The following PLCH1 variants were observed in gnomAD, a reference collection of about 807,000 sequenced individuals.
PLCH1 encodes 1-phosphatidylinositol 4,5-bisphosphate phosphodiesterase eta-1.
PLCH1 carries 60 observed loss-of-function variants against 126.7 expected under a neutral mutation model. That is an observed-to-expected ratio of 0.47 (90% CI 0.38 to 0.59). The LOEUF (loss-of-function observed/expected upper bound fraction) is 0.59. Ranked by LOEUF, PLCH1 falls within the 20% of genes least tolerant of loss-of-function variation. The pLI is 0.00. For missense variants in PLCH1, 1,723 were observed against 2,040.0 expected (o/e 0.84, Z 2.99); for synonymous variants, 719 against 734.9 (o/e 0.98, Z 0.35).
chr3:155,685,446 G>A (rs1744863969), intron 2 of PLCH1, among the ~76,000 whole-genome samples: 1 of 152,178 alleles, frequency 6.6e-6, no homozygotes, highest in African/African-American at 2.4e-5. Flanking sequence ...GTGGTACCAA[G>A]GGAAGGCAGA....
chr3:155,513,737 C>T (rs1719926545), intron 12 of PLCH1, among the ~76,000 whole-genome samples: 4 of 152,158 alleles, frequency 2.6e-5, no homozygotes, highest in African/African-American at 7.2e-5. Context: ...TTCCATCTGC[C>T]CCTCTAACAT....
chr3:155,722,173 T>C (rs1747998276), intron 1 of PLCH1, among the ~76,000 whole-genome samples: 1 of 152,150 alleles, frequency 6.6e-6, no homozygotes, highest in Non-Finnish European at 1.5e-5. Context: ...TCTTTTTTTT[T>C]TCTTTTTGAG....
At chr3:155,579,911 T>A (rs935672350) in intron 6 of PLCH1, among the ~76,000 whole-genome samples, 8 of 151,230 alleles carry the variant, frequency 5.3e-5, no homozygotes, top group Non-Finnish European at 1.0e-4. Context: ...TCTCTCTCTC[T>A]CACACACACA....
At chr3:155,653,405 G>T (rs1740994481) in intron 2 of PLCH1, among the ~76,000 whole-genome samples, 1 of 152,154 alleles carries the variant, frequency 6.6e-6, no homozygotes, top group Non-Finnish European at 1.5e-5. Context: ...CAAATCATTG[G>T]CTTTATTTGA....
chr3:155,471,960 C>T (rs556100349), intron 21 of PLCH1, among the ~76,000 whole-genome samples: 1 of 151,844 alleles, frequency 6.6e-6, no homozygotes, highest in African/African-American at 2.4e-5. Context: ...CACTAAATGC[C>T]CACAAGAGAA....
At chr3:155,712,422 C>T (rs537905942) in intron 1 of PLCH1, among the ~76,000 whole-genome samples, 8 of 152,088 alleles carry the variant, frequency 5.3e-5, no homozygotes, top group East Asian at 1.9e-4. Flanking sequence ...TCAAATGTGA[C>T]GCAAATCTAT....
In PLCH1 at chr3:155,485,561, C is replaced by G. The variant is rs1352461522; in HGVS notation, c.2769G>C (p.Lys923Asn). 2.5e-6 allele frequency: 4 copies of G among 1,614,190 alleles called. No homozygotes were observed. The highest frequency in any genetic ancestry group is 3.4e-6 in the Non-Finnish European group (4 of 1,180,030). The change falls in exon 22 of 23, where the codon AAG becomes AAC. Residue 923 changes from lysine (K) to asparagine (N), a missense_variant. Lys to Asn is a moderately conservative substitution (Grantham distance 94, BLOSUM62 0). This residue lies in a region of PLCH1 where 947 missense variants were observed against 977.1 expected (regional missense o/e 0.97). Transcript: ENST00000460012. ...CCATTTCTTGGAAGCCCATTTTGCT[C>G]TTTTTCCTGCCTTTGGCTGGGGCGC... ...TASAPAKGRK[K>N]SKMGFQEMVE...
At chr3:155,586,772 T>G (rs563302397) in intron 4 of PLCH1, among the ~76,000 whole-genome samples, 207 of 152,322 alleles carry the variant, frequency 1.4e-3, no homozygotes, top group African/African-American at 4.9e-3. Context: ...ATTTTGAGCA[T>G]CTTTAATTCA....
chr3:155,552,209 GT>G (rs1248809861), intron 9 of PLCH1, among the ~76,000 whole-genome samples: 2 of 152,126 alleles, frequency 1.3e-5, no homozygotes, highest in Non-Finnish European at 2.9e-5. Context: ...ATTTTAATTT[GT>G]TTCCTTTAAT....
chr3:155,579,816 G>A (rs564455914), intron 6 of PLCH1, among the ~76,000 whole-genome samples: 8 of 152,220 alleles, frequency 5.3e-5, no homozygotes, highest in African/African-American at 1.9e-4. Context: ...GAATTACTGA[G>A]GGAAAACCAG....
intron 2 of PLCH1, among the ~76,000 whole-genome samples, chr3:155,612,908 T>TAAA (rs59489759): frequency 1.1e-5 from 1 of 94,636 alleles, no homozygotes; most frequent in Non-Finnish European, 1.9e-5. Flanking sequence ...AACTGTGTAT[T>TAAA]AAAAAAAAAA....
At chr3:155,603,368 C>T (rs1733979191) in intron 2 of PLCH1, among the ~76,000 whole-genome samples, 1 of 131,028 alleles carries the variant, frequency 7.6e-6, no homozygotes, top group Non-Finnish European at 1.8e-5. Flanking sequence ...TTTCCTAAAA[C>T]CATCAGGGCA....
chr3:155,584,337 T>C (rs1281212105), intron 5 of PLCH1, among the ~76,000 whole-genome samples: 2 of 152,254 alleles, frequency 1.3e-5, no homozygotes, highest in Non-Finnish European at 2.9e-5. Flanking sequence ...TTTTTACCTA[T>C]GAGAGAATCT....
intron 21 of PLCH1, among the ~76,000 whole-genome samples, chr3:155,468,028 A>G (rs143374172): frequency 2.5e-3 from 380 of 152,352 alleles, no homozygotes; most frequent in Non-Finnish European, 3.0e-3. Context: ...GAACCAATCA[A>G]TAATACCTAA....
At chr3:155,681,757 T>C (rs748846106) in intron 2 of PLCH1, among the ~76,000 whole-genome samples, 5 of 152,216 alleles carry the variant, frequency 3.3e-5, no homozygotes, top group African/African-American at 1.2e-4. Context: ...TTTTCCAATC[T>C]ACATGCAACC....
chr3:155,561,070 A>T (rs1159054680), intron 8 of PLCH1, among the ~76,000 whole-genome samples: 1 of 151,984 alleles, frequency 6.6e-6, no homozygotes, highest in East Asian at 1.9e-4. Context: ...TTTGAAGCTT[A>T]TTCTATCCAG....
chr3:155,722,040 C>T (rs1026817130), intron 1 of PLCH1, among the ~76,000 whole-genome samples: 1 of 152,008 alleles, frequency 6.6e-6, no homozygotes, highest in Admixed American at 6.5e-5. Context: ...GAGTGAGACT[C>T]TGTCTCAAAA....
chr3:155,597,023 A>T (rs543542275), intron 2 of PLCH1, among the ~76,000 whole-genome samples: 10 of 152,372 alleles, frequency 6.6e-5, no homozygotes, highest in African/African-American at 2.2e-4. Flanking sequence ...CAAATCACTT[A>T]TAGTCCAAGT....
At chr3:155,604,233 A>G (rs1329360101) in intron 2 of PLCH1, among the ~76,000 whole-genome samples, 1 of 152,202 alleles carries the variant, frequency 6.6e-6, no homozygotes, top group Non-Finnish European at 1.5e-5. Flanking sequence ...GGCTTCACTT[A>G]AAAAGCTATT....
Sources: gnomAD v4.1 joint callset for allele counts (sites outside exome capture counted in the v4.1 genomes callset) on GRCh38, gnomAD v4.1.1 for gene constraint, gnomAD v4.1.1 regional missense constraint, MANE v1.5 for transcripts, NCBI Gene and HGNC (gene_info 2026-07-23, HGNC 2026-07-21) for gene names.